The following DNAH11 variants were observed in gnomAD, a reference collection of about 807,000 sequenced individuals.
DNAH11 encodes the protein dynein axonemal heavy chain 11, also known as axonemal beta dynein heavy chain 11.
In DNAH11, 442 loss-of-function variants were observed where a neutral mutation model predicts 526.0. That is an observed-to-expected ratio of 0.84 (90% CI 0.78 to 0.91). DNAH11 has a LOEUF of 0.91. DNAH11 is among the 40% of genes least tolerant of loss of function. DNAH11 has a pLI of 0.00. For missense variants in DNAH11, 6,989 were observed against 5,448.7 expected (o/e 1.28, Z -8.90); for synonymous variants, 2,461 against 1,935.9 (o/e 1.27, Z -7.12).
rs778161252 is a variant in DNAH11, at chr7:21,773,828, G to A, written c.9165G>A (p.Met3055Ile). ...MAHVHTTVNEMSTRYYQNERR... is the reference protein window; with the variant it reads ...MAHVHTTVNEISTRYYQNERR... ...ATGTTCACACCACTGTAAATGAAAT[G>A]AGTACCAGATATTACCAGAATGAGA... The change falls in exon 56 of 82, where the codon ATG becomes ATA. Residue 3055 changes from methionine to isoleucine, a missense_variant. Met to Ile is a conservative substitution (Grantham distance 10). Coordinates refer to ENST00000409508, the MANE Select transcript of DNAH11 (RefSeq NM_001277115.2). 1 of 1,608,868 alleles carries A rather than the reference G, an allele frequency of 6.2e-7. No homozygotes were observed. Among genetic ancestry groups the A allele is most frequent in the Non-Finnish European group, 8.5e-7 (1 of 1,177,732 alleles).
intron 14 of DNAH11, among the ~76,000 whole-genome samples, chr7:21,599,258 A>G (rs1336177393): frequency 2.0e-5 from 3 of 152,114 alleles, no homozygotes; most frequent in South Asian, 4.1e-4. Flanking sequence ...TTATTTTTTG[A>G]CTTTTTAATA....
chr7:21,609,423 T>C (rs1785428375), intron 20 of DNAH11, among the ~76,000 whole-genome samples: 1 of 152,162 alleles, frequency 6.6e-6, no homozygotes, highest in Non-Finnish European at 1.5e-5. Flanking sequence ...TTTCGCCATG[T>C]TGGCCAGACT....
At chr7:21,845,063 A>G (rs573134877) in intron 66 of DNAH11, among the ~76,000 whole-genome samples, 1 of 152,142 alleles carries the variant, frequency 6.6e-6, no homozygotes, top group African/African-American at 2.4e-5. Context: ...ATAAGAAAAT[A>G]GTATTTTTTT....
chr7:21,845,289 AACTG>A (rs1453088088), intron 66 of DNAH11, among the ~76,000 whole-genome samples: 2 of 152,176 alleles, frequency 1.3e-5, no homozygotes, highest in Admixed American at 6.5e-5. Context: ...AGAAATCATT[AACTG>A]ACAGTTCGTG....
At chr7:21,687,277 G>A in intron 33 of DNAH11, 22 bp downstream of exon 33, 2 of 1,559,796 alleles carry the variant, frequency 1.3e-6, no homozygotes, top group African/African-American at 1.4e-5. Flanking sequence ...AGAGAATAAT[G>A]TGTAAAACTT....
rs140401071 is a variant in DNAH11 at position 21,876,571 on chromosome 7, T to G, written c.12195+3070T>G. ...TGGCTTATACAAGGTCAAAAAGTAG[T>G]CCTGCCACATGAGAGTTTTACAGAT... On this transcript the variant is annotated intron_variant, in intron 74 of 81. Transcript: ENST00000409508. 1.1e-3 allele frequency among the ~76,000 whole-genome samples: 163 copies of G among 152,350 alleles called. 2 individuals are homozygous for G. The highest frequency in any genetic ancestry group is 3.8e-3 in the African/African-American group (157 of 41,580).
chr7:21,776,935 C>CGTGTGT (rs3061429), intron 56 of DNAH11, among the ~76,000 whole-genome samples: 54 of 149,790 alleles, frequency 3.6e-4, no homozygotes, highest in African/African-American at 1.3e-3. Flanking sequence ...TTTATTTGTA[C>CGTGTGT]GTGTGTGTGT....
At chr7:21,840,591 T>C (rs1258710369) in intron 65 of DNAH11, among the ~76,000 whole-genome samples, 1 of 152,126 alleles carries the variant, frequency 6.6e-6, no homozygotes, top group Non-Finnish European at 1.5e-5. Context: ...TCTCTGTCTC[T>C]TGCATGAATT....
At chr7:21,745,512 C>T (rs1457154816) in intron 51 of DNAH11, among the ~76,000 whole-genome samples, 1 of 152,176 alleles carries the variant, frequency 6.6e-6, no homozygotes, top group East Asian at 1.9e-4. Flanking sequence ...TAGAGCATGG[C>T]TGACAAGGTT....
intron 14 of DNAH11, among the ~76,000 whole-genome samples, chr7:21,598,687 G>A (rs1041398342): frequency 3.9e-5 from 6 of 152,074 alleles, no homozygotes; most frequent in African/African-American, 1.4e-4. Flanking sequence ...TATCACCCAG[G>A]TATTATGCCT....
chr7:21,780,953 T>A lies in DNAH11; in HGVS notation c.9483+1849T>A, dbSNP rs184986916. ...GCTGGATATTTTGAGATAAGTGCTC[T>A]GATGAAAATCCAGTAGAGAGACATG... On this transcript the variant is annotated intron_variant, in intron 57 of 81. Coordinates refer to ENST00000409508, the MANE Select transcript of DNAH11 (RefSeq NM_001277115.2). Among the ~76,000 whole-genome samples the A allele has an allele frequency of 4.9e-4, 74 of 152,326 alleles. No individual in the cohort carries two copies. In the East Asian group the frequency reaches 0.011, roughly 22 times the overall value.
Position 21,562,143 on chromosome 7 carries a change from C to T in DNAH11, c.982+973C>T, listed in dbSNP as rs528848767. ...GGCCAAATTGGCCTATTAACACCTT[C>T]CTTGAAGAGTTGCTATGTGGATTTA... On this transcript the variant is annotated intron_variant, in intron 5 of 81. Transcript: ENST00000409508. Among the ~76,000 whole-genome samples, 204 of 152,320 alleles carry T rather than the reference C, an allele frequency of 1.3e-3. 1 individual carries two copies. Among genetic ancestry groups the T allele is most frequent in the Non-Finnish European group, 2.4e-3 (165 of 68,028 alleles).
At chr7:21,789,863 C>A (rs58161236) in intron 61 of DNAH11, among the ~76,000 whole-genome samples, 1 of 62,282 alleles carries the variant, frequency 1.6e-5, no homozygotes, top group African/African-American at 5.8e-5. Flanking sequence ...TCTCTCCTTC[C>A]TTCCTTTTCT....
intron 66 of DNAH11, among the ~76,000 whole-genome samples, chr7:21,850,523 G>A (rs1238182705): frequency 2.1e-5 from 3 of 145,314 alleles, no homozygotes; most frequent in Non-Finnish European, 3.0e-5. Flanking sequence ...AGCACATTAA[G>A]TAGTTATTTT....
At chr7:21,681,105 T>C (rs770117462) in intron 30 of DNAH11, among the ~76,000 whole-genome samples, 10 of 152,132 alleles carry the variant, frequency 6.6e-5, no homozygotes, top group Non-Finnish European at 1.5e-4. Flanking sequence ...CCAAGGTTCT[T>C]TGAGGTCCAG....
intron 28 of DNAH11, among the ~76,000 whole-genome samples, chr7:21,641,579 C>T (rs546100317): frequency 1.3e-5 from 2 of 152,348 alleles, no homozygotes; most frequent in African/African-American, 4.8e-5. Flanking sequence ...CAACTCTGTT[C>T]ACCCTCCTTT....
At position 21,808,079 on chromosome 7, in the gene DNAH11, G is replaced by A. The variant is rs931347272; in HGVS notation, c.10332+30G>A. On this transcript the variant is annotated intron_variant, in intron 63 of 81. Transcript: ENST00000409508. ...GTTCAGTTCCTTACCTTGTCAGCAG[G>A]TAGAAAGATCACATTGAAATTTCAG... 2 of 1,375,808 alleles carry A rather than the reference G, an allele frequency of 1.5e-6. No homozygotes were observed. Among genetic ancestry groups the A allele is most frequent in the African/African-American group, 1.4e-5 (1 of 69,562 alleles). The allele number at this position is 1,375,808 out of a possible 1,614,324, so 85.2% of individuals were successfully genotyped here. A position where few individuals can be genotyped will look rare whatever the true frequency, so the allele number is the denominator to read the frequency against.
intron 41 of DNAH11, 84 bp from the exon 42 acceptor site, chr7:21,711,628 T>A: frequency 6.5e-7 from 1 of 1,535,210 alleles, no homozygotes; most frequent in Non-Finnish European, 8.8e-7. Flanking sequence ...CCTGTGATAC[T>A]TCTGGTAGGG....
intron 28 of DNAH11, among the ~76,000 whole-genome samples, chr7:21,652,702 T>C (rs1318732359): frequency 6.6e-6 from 1 of 152,204 alleles, no homozygotes; most frequent in Non-Finnish European, 1.5e-5. Flanking sequence ...TATGATTTTG[T>C]ACTATTCTGC....
Sources: allele counts gnomAD v4.1 joint callset (sites outside exome capture counted in the v4.1 genomes callset), GRCh38; gene constraint gnomAD v4.1.1; transcripts MANE v1.5; gene names NCBI Gene and HGNC (gene_info 2026-07-23, HGNC 2026-07-21).